The following SCAP variants were observed in gnomAD, a reference collection of about 807,000 sequenced individuals.
The protein encoded by SCAP is SREBF chaperone.
Under a neutral mutation model 123.6 loss-of-function variants are expected in SCAP, and 65 were observed. That is an observed-to-expected ratio of 0.53 (90% CI 0.43 to 0.65). SCAP has a LOEUF of 0.65. Ranked by LOEUF, SCAP falls within the 30% of genes least tolerant of loss-of-function variation. The pLI is 0.00. For missense variants in SCAP, 1,398 were observed against 1,712.5 expected (o/e 0.82, Z 3.24); for synonymous variants, 740 against 726.3 (o/e 1.02, Z -0.30).
At chr3:47,456,846 G>A (rs1440144205) in intron 1 of SCAP, among the ~76,000 whole-genome samples, 1 of 151,912 alleles carries the variant, frequency 6.6e-6, no homozygotes, top group Non-Finnish European at 1.5e-5. Context: ...CTGACAAGGT[G>A]CTAAATTCCC....
In SCAP at chr3:47,419,067, TG is replaced by T. The variant is rs1265664403; in HGVS notation, c.1941-225del. 6.6e-6 allele frequency among the ~76,000 whole-genome samples: 1 copy of T among 152,106 alleles called. No individual in the cohort carries two copies. Among genetic ancestry groups the T allele is most frequent in the Non-Finnish European group, 1.5e-5 (1 of 67,990 alleles). On this transcript the variant is annotated intron_variant, in intron 13 of 22. Coordinates refer to ENST00000265565, the MANE Select transcript of SCAP (RefSeq NM_012235.4). This position sits in a 1 kb window ranked among gnomAD's most constrained non-coding sequence, Gnocchi z 5.0. ...CACCCAAACAGCCCTGGTGGCCGTG[TG>T]GGGTATCTCCCTCCCCACTCCTGGC... is the stretch of plus-strand genomic sequence containing the variant.
At position 47,416,787 on chromosome 3, in the gene SCAP, C is replaced by T. The variant is rs551442662; in HGVS notation, c.3056+335G>A. 1.6e-3 allele frequency among the ~76,000 whole-genome samples: 238 copies of T among 151,548 alleles called. 2 individuals carry two copies. The highest frequency in any genetic ancestry group is 2.6e-3 in the Admixed American group (40 of 15,242). ...GACTACAGGCGCCCGCCACTACGCC[C>T]GGCTAATTTTTTGTATTTTTAGTAG... On this transcript the variant is annotated intron_variant, in intron 18 of 22. Transcript: ENST00000265565.
Position 47,418,401 on chromosome 3 carries a change from C to T in SCAP, c.2251G>A (p.Gly751Arg), listed in dbSNP as rs528093394. The change falls in exon 15 of 23, where the codon GGG (glycine) becomes AGG (arginine). Residue 751 changes from glycine to arginine, a missense_variant. Gly to Arg is a moderately radical substitution (Grantham distance 125). Coordinates refer to ENST00000265565, the MANE Select transcript of SCAP (RefSeq NM_012235.4). ...LGGGPGRRRR[G>R]ELPCDDYGYA... is the part of the protein sequence containing the mutation. ...CCGTAGTCGTCGCAGGGCAGCTCCC[C>T]GCGCCTCCGCCGCCCGGGCCCACCA... 1,400 of 1,575,258 alleles carry T rather than the reference C, an allele frequency of 8.9e-4. 16 individuals carry two copies. The South Asian group carries it at 0.012, about 14-fold the overall frequency.
At chr3:47,436,392 G>A (rs1485885010) in intron 2 of SCAP, among the ~76,000 whole-genome samples, 1 of 152,158 alleles carries the variant, frequency 6.6e-6, no homozygotes, top group Non-Finnish European at 1.5e-5. Context: ...AACACTTTGG[G>A]AGAGGCCAAG....
rs147189412 is a variant in SCAP at position 47,419,399 on chromosome 3, T to A, written c.1869A>T (p.Glu623Asp). 2 of 1,613,396 alleles carry A rather than the reference T, an allele frequency of 1.2e-6. No homozygotes were observed. The highest frequency in any genetic ancestry group is 1.7e-6 in the Non-Finnish European group (2 of 1,179,862). ...PEVTWGPEDE[E>D]LWRKLSFRHW... is the part of the protein sequence containing the mutation. ...GGCGGAAGGACAATTTCCTCCAAAG[T>A]TCCTCATCCTCAGGCCCCCAGGTTA... Residue 623 changes from glutamate to aspartate, a missense_variant, in exon 13 of 23, where the codon GAA (glutamate) becomes GAT (aspartate). Transcript: ENST00000265565. The surrounding 1 kb of genome is among the most constrained non-coding windows in gnomAD (Gnocchi z 5.0).
chr3:47,423,274 C>G lies in SCAP; in HGVS notation c.1150+659G>C, dbSNP rs1221201519. Among the ~76,000 whole-genome samples, 5 of 152,376 alleles carry G rather than the reference C, an allele frequency of 3.3e-5. No individual in the cohort carries two copies. In the South Asian group the frequency reaches 8.3e-4, roughly 25 times the overall value. ...AGAACCCCAGATCCCCAGTTTCTAC[C>G]AGCAGGGCCAGAGGGAGCTTTTCTG... On this transcript the variant is annotated intron_variant, in intron 9 of 22. Transcript: ENST00000265565.
At chr3:47,432,484 G>C (rs1706404603) in intron 3 of SCAP, among the ~76,000 whole-genome samples, 1 of 151,800 alleles carries the variant, frequency 6.6e-6, no homozygotes, top group Non-Finnish European at 1.5e-5. Flanking sequence ...AAACAGTATA[G>C]GATCTCCTCA....
chr3:47,428,987 TC>T (rs1383610317), intron 3 of SCAP: 3 of 263,060 alleles, frequency 1.1e-5, no homozygotes, highest in South Asian at 1.1e-4. Flanking sequence ...TCATACTAAC[TC>T]CCCCCGGAAT....
At chr3:47,469,735 CT>C in intron 1 of SCAP, 1 of 422,724 alleles carries the variant, frequency 2.4e-6, no homozygotes, top group African/African-American at 2.1e-5. Context: ...CCTCTTTCAC[CT>C]TCTGCCATGA....
At chr3:47,452,617 C>T (rs541393380) in intron 1 of SCAP, among the ~76,000 whole-genome samples, 1 of 152,298 alleles carries the variant, frequency 6.6e-6, no homozygotes, top group South Asian at 2.1e-4. Flanking sequence ...TTGGGCCTAT[C>T]CCAGACCTGG....
chr3:47,428,158 A>AC (rs1706218265), intron 4 of SCAP, among the ~76,000 whole-genome samples: 2 of 151,986 alleles, frequency 1.3e-5, no homozygotes, highest in African/African-American at 2.4e-5. Context: ...TTCAGAAGGT[A>AC]CCCCCAGGTA....
chr3:47,441,874 CTTTTTTTT>C (rs1160447716), intron 2 of SCAP, among the ~76,000 whole-genome samples: 11 of 76,414 alleles, frequency 1.4e-4, no homozygotes, highest in Admixed American at 7.2e-4. Flanking sequence ...GTTCATCTTT[CTTTTTTTT>C]TTTTTTTTTT....
chr3:47,422,881 G>A (rs948582387), intron 9 of SCAP: 29 of 206,066 alleles, frequency 1.4e-4, no homozygotes, highest in African/African-American at 6.7e-4. Context: ...TCCGCATGTG[G>A]TTCTTGTCTG....
intron 1 of SCAP, among the ~76,000 whole-genome samples, chr3:47,448,182 G>A (rs1707123767): frequency 6.6e-6 from 1 of 151,996 alleles, no homozygotes; most frequent in Admixed American, 6.6e-5. Flanking sequence ...ATAGTTTTCA[G>A]CATACATGAC....
At chr3:47,435,392 A>G (rs960593956) in intron 2 of SCAP, among the ~76,000 whole-genome samples, 1 of 151,868 alleles carries the variant, frequency 6.6e-6, no homozygotes, top group Non-Finnish European at 1.5e-5. Flanking sequence ...AAATGTTTTC[A>G]GGCTGTATAA....
At chr3:47,454,178 T>C (rs530599822) in intron 1 of SCAP, among the ~76,000 whole-genome samples, 2 of 151,894 alleles carry the variant, frequency 1.3e-5, no homozygotes, top group African/African-American at 2.4e-5. Flanking sequence ...CCATCCTGGC[T>C]AACACAGTGA....
Position 47,420,031 on chromosome 3 carries a change from C to T in SCAP, c.1564-327G>A, listed in dbSNP as rs1030521531. On this transcript the variant is annotated intron_variant, in intron 12 of 22. Coordinates refer to ENST00000265565, the MANE Select transcript of SCAP (RefSeq NM_012235.4). This position sits in a 1 kb window ranked among gnomAD's most constrained non-coding sequence, Gnocchi z 5.0. Reference sequence around the variant, plus strand: ...CTGGAGCCAGAAAGCTGCTACCATTCCTACGGTCAGAGGGCCAGCAACCTG... The same window carrying T: ...CTGGAGCCAGAAAGCTGCTACCATTTCTACGGTCAGAGGGCCAGCAACCTG... Among the ~76,000 whole-genome samples, 1 of 152,202 alleles carries T rather than the reference C, an allele frequency of 6.6e-6. No individual in the cohort carries two copies. Among genetic ancestry groups the T allele is most frequent in the Non-Finnish European group, 1.5e-5 (1 of 68,026 alleles).
chr3:47,453,114 G>A (rs1262948559), intron 1 of SCAP, among the ~76,000 whole-genome samples: 1 of 151,918 alleles, frequency 6.6e-6, no homozygotes, highest in African/African-American at 2.4e-5. Flanking sequence ...AAAATGAACT[G>A]GACTAGTGAT....
chr3:47,418,016 G>T, intron 16 of SCAP, 118 bp downstream of exon 16: 2 of 644,602 alleles, frequency 3.1e-6, no homozygotes, highest in Non-Finnish European at 5.4e-6. Flanking sequence ...GGGGGAGAGG[G>T]GGCCTGGAGG....
Sources: gnomAD v4.1 joint callset for allele counts (sites outside exome capture counted in the v4.1 genomes callset) on GRCh38, gnomAD v4.1.1 for gene constraint, Gnocchi (gnomAD v3.1) non-coding constraint, MANE v1.5 for transcripts, NCBI Gene and HGNC (gene_info 2026-07-23, HGNC 2026-07-21) for gene names.